Variants in PDSS2 observed in about 807,000 individuals in gnomAD.
PDSS2 encodes all trans-polyprenyl-diphosphate synthase PDSS2.
A neutral mutation model predicts 44.5 loss-of-function variants in PDSS2; 31 were observed. That is an observed-to-expected ratio of 0.70 (90% CI 0.52 to 0.94). PDSS2 has a LOEUF of 0.94. Ranked by LOEUF, PDSS2 falls within the 40% of genes least tolerant of loss-of-function variation. The pLI is 0.00. For synonymous variants in PDSS2, 157 were observed against 180.3 expected, an observed-to-expected ratio of 0.87 and a Z score of 1.03; for missense variants, 452 against 482.2, an observed-to-expected ratio of 0.94 and a Z score of 0.59.
At position 107,380,146 on chromosome 6, in the gene PDSS2, G is replaced by C. The variant is rs184850700; in HGVS notation, c.297-45814C>G. ...GGCTTCAGTTTCCTCTAGTGTCCCT[G>C]TTTTTGTCTCCCCTGTTATCTTTGG... On this transcript the variant is annotated intron_variant, in intron 1 of 7. Coordinates refer to ENST00000369037, the MANE Select transcript of PDSS2 (RefSeq NM_020381.4). 1.6e-3 allele frequency among the ~76,000 whole-genome samples: 241 copies of C among 152,172 alleles called. 1 individual carries two copies. Among genetic ancestry groups the C allele is most frequent in the Admixed American group, 3.7e-3 (56 of 15,268 alleles).
At chr6:107,388,661 T>C (rs1232818772) in intron 1 of PDSS2, among the ~76,000 whole-genome samples, 2 of 152,250 alleles carry the variant, frequency 1.3e-5, no homozygotes, top group East Asian at 3.9e-4. Context: ...GGTTTCACCG[T>C]GTTAGCCAGG....
At chr6:107,399,351 C>T (rs995060314) in intron 1 of PDSS2, among the ~76,000 whole-genome samples, 1 of 152,168 alleles carries the variant, frequency 6.6e-6, no homozygotes, top group African/African-American at 2.4e-5. Flanking sequence ...ATCTCCAAGT[C>T]TCACCTGTCC....
chr6:107,218,426 G>C (rs759661549), intron 4 of PDSS2, among the ~76,000 whole-genome samples: 2 of 152,062 alleles, frequency 1.3e-5, no homozygotes, highest in Non-Finnish European at 2.9e-5. Flanking sequence ...CATTACTTTT[G>C]GGTCTCTACT....
chr6:107,380,026 G>A (rs1293893802), intron 1 of PDSS2, among the ~76,000 whole-genome samples: 1 of 151,796 alleles, frequency 6.6e-6, no homozygotes, highest in African/African-American at 2.4e-5. Context: ...GTGATTTTGT[G>A]TTTTACTGTA....
intron 1 of PDSS2, among the ~76,000 whole-genome samples, chr6:107,403,425 G>T (rs1274132029): frequency 6.6e-6 from 1 of 152,212 alleles, no homozygotes; most frequent in Non-Finnish European, 1.5e-5. Flanking sequence ...GGTTCAAGTT[G>T]TCAATGGATC....
intron 1 of PDSS2, among the ~76,000 whole-genome samples, chr6:107,386,101 G>C (rs553467691): frequency 6.6e-6 from 1 of 152,166 alleles, no homozygotes; most frequent in South Asian, 2.1e-4. Context: ...GAGAAAGGAA[G>C]CTACAAATTT....
intron 2 of PDSS2, among the ~76,000 whole-genome samples, chr6:107,281,711 A>G (rs1775965630): frequency 6.6e-6 from 1 of 152,148 alleles, no homozygotes; most frequent in African/African-American, 2.4e-5. Flanking sequence ...CCAGAGTTAG[A>G]ACTCTTTCTT....
At position 107,429,901 on chromosome 6, in the gene PDSS2, A is replaced by AAAAAAAT. The variant is rs1166637352; in HGVS notation, c.296+29088_296+29089insATTTTTT. On this transcript the variant is annotated intron_variant, in intron 1 of 7. Coordinates refer to ENST00000369037, the MANE Select transcript of PDSS2 (RefSeq NM_020381.4). ...CTTAGTCTCAAAAAAAAAAAAAAAA[A>AAAAAAAT]ATATATATATATATATATATATATA... Among the ~76,000 whole-genome samples the AAAAAAAT allele has an allele frequency of 3.8e-3, 122 of 31,786 alleles. 1 individual carries two copies. The highest frequency in any genetic ancestry group is 0.031 in the Middle Eastern group (2 of 64). 20.9% of individuals were successfully genotyped at this position (31,786 alleles called of 152,430 possible).
intron 2 of PDSS2, among the ~76,000 whole-genome samples, chr6:107,303,807 G>A (rs1011511051): frequency 4.6e-5 from 7 of 152,122 alleles, no homozygotes; most frequent in African/African-American, 1.7e-4. Context: ...TGCATATGTA[G>A]GGTATTTCTG....
intron 7 of PDSS2, among the ~76,000 whole-genome samples, chr6:107,183,056 T>G (rs907001804): frequency 6.6e-6 from 1 of 151,760 alleles, no homozygotes; most frequent in Non-Finnish European, 1.5e-5. Flanking sequence ...ACAAAAAAAT[T>G]AAAAAATTAG....
rs142705653 is a variant in PDSS2 at position 107,285,661 on chromosome 6, T to C, written c.432-11434A>G. Among the ~76,000 whole-genome samples, 16 of 152,274 alleles carry C rather than the reference T, an allele frequency of 1.1e-4. No homozygotes were observed. In the East Asian group the frequency reaches 1.5e-3, roughly 15 times the overall value. On this transcript the variant is annotated intron_variant, in intron 2 of 7. Coordinates refer to ENST00000369037, the MANE Select transcript of PDSS2 (RefSeq NM_020381.4). ...ATTCTTACAAATGATATTGGGGCAA[T>C]TGGCTATCATTTATGAGAAAAAAAT...
intron 1 of PDSS2, among the ~76,000 whole-genome samples, chr6:107,361,349 C>T (rs1778766088): frequency 2.0e-5 from 3 of 152,284 alleles, no homozygotes; most frequent in South Asian, 2.1e-4. Flanking sequence ...CACACAGGTA[C>T]AGGGTTAATT....
intron 7 of PDSS2, among the ~76,000 whole-genome samples, chr6:107,175,085 G>A (rs1015752884): frequency 5.3e-5 from 8 of 151,964 alleles, no homozygotes; most frequent in East Asian, 1.9e-4. Flanking sequence ...GCTGGCACAC[G>A]CCTGTAATCC....
At chr6:107,362,201 G>A (rs867832674) in intron 1 of PDSS2, among the ~76,000 whole-genome samples, 1 of 152,076 alleles carries the variant, frequency 6.6e-6, no homozygotes. Flanking sequence ...GACCAGAGAG[G>A]GCCCATATAT....
At chr6:107,228,687 T>C (rs914334053) in intron 4 of PDSS2, among the ~76,000 whole-genome samples, 1 of 146,346 alleles carries the variant, frequency 6.8e-6, no homozygotes, top group African/African-American at 2.6e-5. Flanking sequence ...AGAGGGAGAC[T>C]CTATCTCAAA....
chr6:107,364,499 C>T (rs1443165058), intron 1 of PDSS2, among the ~76,000 whole-genome samples: 10 of 152,060 alleles, frequency 6.6e-5, no homozygotes, highest in Admixed American at 2.0e-4. Context: ...GCTAAGTCCC[C>T]CATTGCCCGG....
At chr6:107,393,193 T>G (rs1489489073) in intron 1 of PDSS2, among the ~76,000 whole-genome samples, 1 of 152,116 alleles carries the variant, frequency 6.6e-6, no homozygotes, top group Non-Finnish European at 1.5e-5. Context: ...TCCTACAAAT[T>G]GACATGTTGT....
At chr6:107,325,789 G>A in intron 2 of PDSS2, among the ~76,000 whole-genome samples, 1 of 152,092 alleles carries the variant, frequency 6.6e-6, no homozygotes, top group East Asian at 1.9e-4. Context: ...CAATTGATTT[G>A]TAGGTTACAA....
chr6:107,197,958 T>C (rs1252563157), intron 6 of PDSS2: 3 of 459,306 alleles, frequency 6.5e-6, no homozygotes, highest in African/African-American at 6.0e-5. Flanking sequence ...GAATTTTCCT[T>C]TTGGCTGCAT....
Sources: allele counts gnomAD v4.1 joint callset (sites outside exome capture counted in the v4.1 genomes callset), GRCh38; gene constraint gnomAD v4.1.1; transcripts MANE v1.5; gene names NCBI Gene and HGNC (gene_info 2026-07-23, HGNC 2026-07-21).